The following RFX4 variants were observed in gnomAD, a reference collection of about 807,000 sequenced individuals.
RFX4 encodes regulatory factor X4.
Under a neutral mutation model 95.0 loss-of-function variants are expected in RFX4, and 10 were observed. That is an observed-to-expected ratio of 0.11 (90% CI 0.06 to 0.18). RFX4 has a LOEUF of 0.18. RFX4 is among the 10% of genes least tolerant of loss of function. The pLI, the probability that RFX4 is intolerant of heterozygous loss-of-function variation, is 1.00. For synonymous variants in RFX4, 321 were observed against 340.7 expected (o/e 0.94, Z 0.64); for missense variants, 640 against 922.0 (o/e 0.69, Z 3.96).
chr12:106,654,378 C>T (rs2040914525), intron 4 of RFX4, 27 bp downstream of exon 4: 1 of 1,600,844 alleles, frequency 6.2e-7, no homozygotes, highest in African/African-American at 1.3e-5. Context: ...CAGGCTTGTC[C>T]TCCCTACCAC....
chr12:106,715,686 A>G (rs1386407275), intron 11 of RFX4, 142 bp downstream of exon 11: 2 of 942,442 alleles, frequency 2.1e-6, no homozygotes, highest in African/African-American at 1.7e-5. Flanking sequence ...GTTCCTTTTA[A>G]ATGAGTCAGT....
intron 2 of RFX4, among the ~76,000 whole-genome samples, chr12:106,617,408 C>T (rs2040094964): frequency 6.6e-6 from 1 of 152,094 alleles, no homozygotes; most frequent in African/African-American, 2.4e-5. Flanking sequence ...CTTAATTAAT[C>T]CCAACATTTT....
intron 13 of RFX4, among the ~76,000 whole-genome samples, chr12:106,729,472 C>G (rs1671558440): frequency 6.6e-6 from 1 of 152,058 alleles, no homozygotes; most frequent in Non-Finnish European, 1.5e-5. Context: ...TTTTACTGTC[C>G]TTTTGGAGAG....
At chr12:106,616,969 C>A (rs1483074115) in intron 2 of RFX4, among the ~76,000 whole-genome samples, 1 of 151,726 alleles carries the variant, frequency 6.6e-6, no homozygotes, top group African/African-American at 2.4e-5. Flanking sequence ...GGAGTTTCAC[C>A]ATGTTGGCCA....
chr12:106,690,579 G>GC (rs2041759977), intron 7 of RFX4, among the ~76,000 whole-genome samples: 1 of 146,632 alleles, frequency 6.8e-6, no homozygotes, highest in East Asian at 2.1e-4. Context: ...AAGGCTGGTT[G>GC]CTGGGGGGTG....
At chr12:106,751,708 T>C (rs1386110651) in intron 17 of RFX4, among the ~76,000 whole-genome samples, 3 of 152,076 alleles carry the variant, frequency 2.0e-5, no homozygotes, top group Admixed American at 2.0e-4. Context: ...CATTTTTTCA[T>C]GTGTTTTTTG....
At chr12:106,613,013 A>C (rs1386852501) in intron 2 of RFX4, among the ~76,000 whole-genome samples, 1 of 152,030 alleles carries the variant, frequency 6.6e-6, no homozygotes, top group Non-Finnish European at 1.5e-5. Context: ...GATTCTAGAG[A>C]AAAAGCTTTC....
At chr12:106,667,032 G>A (rs1291511617) in intron 4 of RFX4, among the ~76,000 whole-genome samples, 2 of 152,130 alleles carry the variant, frequency 1.3e-5, no homozygotes, top group African/African-American at 2.4e-5. Flanking sequence ...GTGGTAAGGC[G>A]TGTTGTTGGT....
At chr12:106,681,917 A>T in intron 4 of RFX4, 76 bp from the exon 5 acceptor site, 3 of 1,485,758 alleles carry the variant, frequency 2.0e-6, no homozygotes, top group South Asian at 1.1e-5. Context: ...CCTTCTGTAG[A>T]TGGCTATTTG....
chr12:106,705,759 G>A (rs2042072545), intron 8 of RFX4, among the ~76,000 whole-genome samples: 1 of 152,068 alleles, frequency 6.6e-6, no homozygotes, highest in Admixed American at 6.5e-5. Context: ...AGGGTAGGGA[G>A]GGGGACAGTT....
At chr12:106,742,735 T>C (rs1018631241) in intron 15 of RFX4, among the ~76,000 whole-genome samples, 8 of 152,200 alleles carry the variant, frequency 5.3e-5, no homozygotes, top group Admixed American at 2.6e-4. Flanking sequence ...CAGACCTGCA[T>C]TGAAATCCCA....
chr12:106,639,677 T>A (rs2137279778), intron 3 of RFX4, among the ~76,000 whole-genome samples: 1 of 152,332 alleles, frequency 6.6e-6, no homozygotes, highest in East Asian at 1.9e-4. Context: ...TTTAATAGAA[T>A]CCATTATTAC....
At chr12:106,740,102 C>T (rs536691410) in intron 15 of RFX4, among the ~76,000 whole-genome samples, 1 of 152,304 alleles carries the variant, frequency 6.6e-6, no homozygotes, top group East Asian at 1.9e-4. Flanking sequence ...TTTTCAACTT[C>T]CCACCATGGG....
chr12:106,719,493 G>A (rs2042357196), intron 11 of RFX4, among the ~76,000 whole-genome samples: 1 of 152,166 alleles, frequency 6.6e-6, no homozygotes, highest in South Asian at 2.1e-4. Flanking sequence ...AGACACACAT[G>A]CCCACCCAAC....
intron 8 of RFX4, among the ~76,000 whole-genome samples, chr12:106,698,757 A>ATCT (rs147741250): frequency 0.01 from 1,545 of 151,390 alleles, 20 homozygotes; most frequent in African/African-American, 0.036. Flanking sequence ...TAGGCTCTGT[A>ATCT]GTGATGTGTC....
At chr12:106,724,055 T>A (rs571817835) in intron 13 of RFX4, among the ~76,000 whole-genome samples, 1 of 152,332 alleles carries the variant, frequency 6.6e-6, no homozygotes, top group East Asian at 1.9e-4. Context: ...CATTACATTT[T>A]CTCAATTACT....
intron 2 of RFX4, among the ~76,000 whole-genome samples, chr12:106,619,717 T>C (rs2040142422): frequency 6.6e-6 from 1 of 152,232 alleles, no homozygotes; most frequent in African/African-American, 2.4e-5. Flanking sequence ...GTTACATGAA[T>C]ATTAGACTTT....
chr12:106,761,310 G>A lies in RFX4; in HGVS notation c.2049G>A (p.Thr683=), dbSNP rs1032469537. Residue 683 remains threonine (T), a synonymous_variant, in exon 18 of 18, where the codon ACG becomes ACA. Coordinates refer to ENST00000392842, the MANE Select transcript of RFX4 (RefSeq NM_213594.3). ...GGCCAGAGGTGCCCTCAGCCAACAC[G>A]TGCTACACAAGCCCGTCTGTGCATT... ...PRWPEVPSAN[T]CYTSPSVHSA... The A allele has an allele frequency of 3.8e-5, 62 of 1,613,918 alleles. No homozygotes were observed. The highest frequency in any genetic ancestry group is 4.6e-5 in the Non-Finnish European group (54 of 1,180,016).
intron 7 of RFX4, among the ~76,000 whole-genome samples, chr12:106,695,267 G>A (rs1460659049): frequency 1.3e-5 from 2 of 152,152 alleles, no homozygotes; most frequent in African/African-American, 4.8e-5. Context: ...CCCCAGCTTC[G>A]AGATGGGCTG....
Sources: gnomAD v4.1 joint callset for allele counts (sites outside exome capture counted in the v4.1 genomes callset) on GRCh38, gnomAD v4.1.1 for gene constraint, MANE v1.5 for transcripts, NCBI Gene and HGNC (gene_info 2026-07-23, HGNC 2026-07-21) for gene names.